Variants in KCNJ10 observed in about 807,000 individuals in gnomAD.
The protein encoded by KCNJ10 is potassium inwardly rectifying channel subfamily J member 10, also known as ATP-sensitive inward rectifier potassium channel 10.
In KCNJ10, 9 loss-of-function variants were observed where a neutral mutation model predicts 22.2. The observed-to-expected ratio is 0.40, with a 90% confidence interval of 0.24 to 0.71. KCNJ10 has a LOEUF of 0.71. Ranked by LOEUF, KCNJ10 falls within the 30% of genes least tolerant of loss-of-function variation. KCNJ10 has a pLI of 0.35. For missense variants in KCNJ10, 337 were observed against 482.7 expected, an observed-to-expected ratio of 0.70 and a Z score of 2.83; for synonymous variants, 184 against 187.3, an observed-to-expected ratio of 0.98 and a Z score of 0.15.
chr1:160,067,371 C>T (rs113174668), intron 1 of KCNJ10, among the ~76,000 whole-genome samples: 28 of 152,356 alleles, frequency 1.8e-4, no homozygotes, highest in Middle Eastern at 3.4e-3. Context: ...AAGCATTGAA[C>T]TCAGCCTGCT....
intron 1 of KCNJ10, among the ~76,000 whole-genome samples, chr1:160,059,503 A>G (rs1410793892): frequency 6.6e-6 from 1 of 152,094 alleles, no homozygotes; most frequent in Non-Finnish European, 1.5e-5. Flanking sequence ...CCAACCTTGG[A>G]GCATTATCCA....
At chr1:160,046,527 G>A (rs1324424053) in intron 1 of KCNJ10, among the ~76,000 whole-genome samples, 2 of 152,214 alleles carry the variant, frequency 1.3e-5, no homozygotes, top group African/African-American at 4.8e-5. Flanking sequence ...TAAGGCTCTA[G>A]ACTCAAGGGT....
chr1:160,067,845 C>T (rs993073762), intron 1 of KCNJ10: 1 of 152,144 alleles, frequency 6.6e-6, no homozygotes, highest in Non-Finnish European at 1.5e-5. Context: ...TGACCCACCC[C>T]CTAGAGCTTT....
At chr1:160,059,413 T>G (rs1183969378) in intron 1 of KCNJ10, among the ~76,000 whole-genome samples, 2 of 152,186 alleles carry the variant, frequency 1.3e-5, no homozygotes, top group African/African-American at 4.8e-5. Context: ...AACCCTGGTC[T>G]TCTTCTTCAT....
intron 1 of KCNJ10, among the ~76,000 whole-genome samples, chr1:160,044,495 GGAAT>G (rs1255583884): frequency 1.3e-5 from 2 of 152,060 alleles, no homozygotes; most frequent in Non-Finnish European, 2.9e-5. Context: ...AAGATTTTGA[GGAAT>G]GAGAACAGAA....
intron 1 of KCNJ10, among the ~76,000 whole-genome samples, chr1:160,047,477 A>G (rs1156749351): frequency 2.0e-5 from 3 of 152,002 alleles, no homozygotes; most frequent in Admixed American, 6.6e-5. Flanking sequence ...ACCCTTGACA[A>G]TCTTTCACAG....
At chr1:160,068,266 C>A (rs954930334) in intron 1 of KCNJ10, among the ~76,000 whole-genome samples, 1 of 136,202 alleles carries the variant, frequency 7.3e-6, no homozygotes, top group Non-Finnish European at 1.6e-5. Flanking sequence ...AACCCTGCTA[C>A]CCCTGCCACT....
At chr1:160,054,203 C>G (rs1379962407) in intron 1 of KCNJ10, among the ~76,000 whole-genome samples, 1 of 152,212 alleles carries the variant, frequency 6.6e-6, no homozygotes, top group Admixed American at 6.5e-5. Flanking sequence ...ATTGCACGCC[C>G]TCCTGAGTCA....
Position 160,039,580 on chromosome 1 carries a change from G to A in KCNJ10, c.*1813C>T, listed in dbSNP as rs78280261. 2.0e-5 allele frequency: 3 copies of A among 152,208 alleles called. No individual in the cohort carries two copies. The highest frequency in any genetic ancestry group is 2.9e-5 in the Non-Finnish European group (2 of 68,040). The allele number at this position is 152,208 out of a possible 1,614,324, so 9.4% of individuals were successfully genotyped here. Reference sequence around the variant, plus strand: ...TTTTTATGCCAACTAGAAGGTAATGGTGGGGTTTACTGTAGATGGACACCG... The same window carrying A: ...TTTTTATGCCAACTAGAAGGTAATGATGGGGTTTACTGTAGATGGACACCG... On this transcript the variant is annotated 3_prime_UTR_variant, in exon 2 of 2. Transcript: ENST00000644903.
intron 1 of KCNJ10, among the ~76,000 whole-genome samples, chr1:160,045,871 C>T (rs1648731579): frequency 6.6e-6 from 1 of 152,224 alleles, no homozygotes; most frequent in South Asian, 2.1e-4. Context: ...GTCCTTTGAG[C>T]TCCAAGAGGA....
intron 1 of KCNJ10, among the ~76,000 whole-genome samples, chr1:160,065,507 G>A (rs1205052591): frequency 6.6e-6 from 1 of 152,176 alleles, no homozygotes; most frequent in East Asian, 1.9e-4. Flanking sequence ...AGAACCCTGG[G>A]CCAAGTTGCA....
At chr1:160,048,708 C>T (rs1404254816) in intron 1 of KCNJ10, among the ~76,000 whole-genome samples, 2 of 152,258 alleles carry the variant, frequency 1.3e-5, no homozygotes, top group South Asian at 2.1e-4. Context: ...AAGGGACCAT[C>T]ATCCTACCCA....
In KCNJ10 at chr1:160,041,242, G is replaced by C. The variant is rs901146903; in HGVS notation, c.*151C>G. ...GGGAGGCGAACCTGGACTCCAGTTGGCCTAAGCTACCAACAGGCCACTGGG... is the reference window on the plus strand; with the variant it reads ...GGGAGGCGAACCTGGACTCCAGTTGCCCTAAGCTACCAACAGGCCACTGGG... On this transcript the variant is annotated 3_prime_UTR_variant, in exon 2 of 2. Transcript: ENST00000644903. The surrounding 1 kb of genome is among the most constrained non-coding windows in gnomAD (Gnocchi z 4.4). The C allele has an allele frequency of 2.1e-5, 16 of 770,498 alleles. No individual in the cohort carries two copies. The Admixed American group carries it at 2.8e-4, about 13-fold the overall frequency. The allele number at this position is 770,498 out of a possible 1,614,324, so 47.7% of individuals were successfully genotyped here.
intron 1 of KCNJ10, among the ~76,000 whole-genome samples, chr1:160,050,129 A>G (rs1648866160): frequency 6.6e-6 from 1 of 152,098 alleles, no homozygotes; most frequent in African/African-American, 2.4e-5. Flanking sequence ...CATTTATACA[A>G]TAAACACTTT....
intron 1 of KCNJ10, among the ~76,000 whole-genome samples, chr1:160,049,681 A>ATATATATT (rs1648841989): frequency 2.7e-5 from 2 of 75,374 alleles, no homozygotes; most frequent in Admixed American, 2.6e-4. Flanking sequence ...TTATTTATAT[A>ATATATATT]TATATATATA....
At chr1:160,047,726 C>A (rs1648781553) in intron 1 of KCNJ10, among the ~76,000 whole-genome samples, 1 of 152,132 alleles carries the variant, frequency 6.6e-6, no homozygotes, top group South Asian at 2.1e-4. Flanking sequence ...TGTACATATT[C>A]TCTTTCCCCC....
rs1406065664 is a variant in KCNJ10, at chr1:160,040,857, G to C, written c.*536C>G. On this transcript the variant is annotated 3_prime_UTR_variant, in exon 2 of 2. Coordinates refer to ENST00000644903, the MANE Select transcript of KCNJ10 (RefSeq NM_002241.5). ...CCAGCAGAAATCAAGCTTCACAGTGGCAAACCCTGGCTTCTTTCAACAGAG... is the reference window on the plus strand; with the variant it reads ...CCAGCAGAAATCAAGCTTCACAGTGCCAAACCCTGGCTTCTTTCAACAGAG... The C allele has an allele frequency of 5.6e-6, 2 of 357,360 alleles. No homozygotes were observed. The highest frequency in any genetic ancestry group is 2.1e-5 in the African/African-American group (1 of 47,918). The allele number at this position is 357,360 out of a possible 1,614,324, so 22.1% of individuals were successfully genotyped here.
intron 1 of KCNJ10, among the ~76,000 whole-genome samples, chr1:160,045,319 A>T (rs1029144292): frequency 6.6e-6 from 1 of 152,208 alleles, no homozygotes; most frequent in Non-Finnish European, 1.5e-5. Flanking sequence ...AAACTATAGA[A>T]TGCTATGGCC....
Position 160,041,977 on chromosome 1 carries a change from C to T in KCNJ10, c.556G>A (p.Val186Ile). 2.5e-6 allele frequency: 4 copies of T among 1,598,294 alleles called. No homozygotes were observed. The highest frequency in any genetic ancestry group is 3.4e-6 in the Non-Finnish European group (4 of 1,170,666). ...GGCTTGCCATTGTGGGAGGCCACAA[C>T]TGCATGCTGGCTGAAACGAATGGTC... is the stretch of plus-strand genomic sequence containing the variant. Reference protein sequence around the residue: ...AETIRFSQHAVVASHNGKPCL... With the variant: ...AETIRFSQHAIVASHNGKPCL... Residue 186 changes from valine (V) to isoleucine (I), a missense_variant, in exon 2 of 2, where the codon GTT (valine) becomes ATT (isoleucine). Physicochemically the swap from Val to Ile is conservative, Grantham distance 29. Coordinates refer to ENST00000644903, the MANE Select transcript of KCNJ10 (RefSeq NM_002241.5). The surrounding 1 kb of genome is among the most constrained non-coding windows in gnomAD (Gnocchi z 4.4).
Sources: gnomAD v4.1 joint callset for allele counts (sites outside exome capture counted in the v4.1 genomes callset) on GRCh38, gnomAD v4.1.1 for gene constraint, Gnocchi (gnomAD v3.1) non-coding constraint, MANE v1.5 for transcripts, NCBI Gene and HGNC (gene_info 2026-07-23, HGNC 2026-07-21) for gene names.